RRM2: variants seen among roughly 807,000 people sequenced by gnomAD.
The protein encoded by RRM2 is ribonucleoside-diphosphate reductase subunit M2.
RRM2 carries 6 observed loss-of-function variants against 45.9 expected under a neutral mutation model. The ratio of observed to expected loss-of-function variants is 0.13; its 90% CI spans 0.07 to 0.26. The LOEUF (loss-of-function observed/expected upper bound fraction) is 0.26. Among genes scored for constraint, RRM2 ranks in the 10% least tolerant of loss-of-function variants. The pLI, the probability that RRM2 is intolerant of heterozygous loss-of-function variation, is 1.00. For synonymous variants in RRM2, 177 were observed against 173.0 expected (o/e 1.02, Z -0.18); for missense variants, 343 against 489.5 (o/e 0.70, Z 2.82).
chr2:10,188,159 G>A (rs547570763), intron 3 of RRM2, among the ~76,000 whole-genome samples: 6 of 152,232 alleles, frequency 3.9e-5, no homozygotes, highest in Non-Finnish European at 8.8e-5. Flanking sequence ...CACTTTGGGT[G>A]AGTATGAGCA....
At position 10,185,284 on chromosome 2, in the gene RRM2, A is replaced by G. The variant is rs944338033; in HGVS notation, n.483-25027A>G. On this transcript the variant is annotated intron_variant and non_coding_transcript_variant, in intron 3 of 3. Transcript: ENST00000381786. The surrounding 1 kb of genome is among the most constrained non-coding windows in gnomAD (Gnocchi z 4.3). ...GCGAGACAGAGCGTGAGAGTGAGAG[A>G]GAGAGAGAGAGGCAGGAGAGGCTGA... is the stretch of plus-strand genomic sequence containing the variant. Among the ~76,000 whole-genome samples, 5 of 152,142 alleles carry G rather than the reference A, an allele frequency of 3.3e-5. No individual in the cohort carries two copies. Among genetic ancestry groups the G allele is most frequent in the African/African-American group, 1.2e-4 (5 of 41,440 alleles).
chr2:10,142,507 AG>A lies in RRM2; in HGVS notation n.482+134del, dbSNP rs752768125. 1.0e-3 allele frequency: 904 copies of A among 905,272 alleles called. 1 individual carries two copies. The highest frequency in any genetic ancestry group is 1.3e-3 in the Non-Finnish European group (807 of 634,322). The allele number at this position is 905,272 out of a possible 1,614,324, so 56.1% of individuals were successfully genotyped here. A position where few individuals can be genotyped will look rare whatever the true frequency, so the allele number is the denominator to read the frequency against. The stretch of plus-strand genomic sequence containing the variant: ...CGCACCCCTGCCAGGTCGGAAATCC[AG>A]GTACTGCCAGCCTCTGCCGTTCTAC... On this transcript the variant is annotated intron_variant and non_coding_transcript_variant, in intron 3 of 3. Coordinates refer to the RRM2 transcript ENST00000381786.
At chr2:10,144,919 G>T (rs1042286813) in intron 3 of RRM2, among the ~76,000 whole-genome samples, 1 of 152,190 alleles carries the variant, frequency 6.6e-6, no homozygotes, top group Non-Finnish European at 1.5e-5. Context: ...TGGTGGGGGT[G>T]ACCGTGTTAT....
At chr2:10,151,303 T>C in intron 3 of RRM2, among the ~76,000 whole-genome samples, 2 of 82,990 alleles carry the variant, frequency 2.4e-5, no homozygotes, top group African/African-American at 1.1e-4. Context: ...AGATTTTTTT[T>C]TTTTTTTTTT....
chr2:10,150,551 A>G (rs1663287382), intron 3 of RRM2, among the ~76,000 whole-genome samples: 1 of 151,654 alleles, frequency 6.6e-6, no homozygotes, highest in African/African-American at 2.4e-5. Flanking sequence ...TTGACATACA[A>G]TAAACTGCGC....
upstream of RRM2, among the ~76,000 whole-genome samples, chr2:10,140,999 C>T (rs777445999): frequency 7.0e-4 from 106 of 152,246 alleles, no homozygotes; most frequent in South Asian, 4.6e-3. Flanking sequence ...TGGCAGCCCT[C>T]GCTCCTGTGA....
intron 5 of RRM2, among the ~76,000 whole-genome samples, chr2:10,125,794 A>G (rs1013835382): frequency 6.6e-6 from 1 of 152,232 alleles, no homozygotes; most frequent in African/African-American, 2.4e-5. Flanking sequence ...TGAAGAGGAA[A>G]AGTGGTAACT....
At chr2:10,182,814 C>A (rs900518860) in intron 3 of RRM2, among the ~76,000 whole-genome samples, 8 of 152,126 alleles carry the variant, frequency 5.3e-5, no homozygotes, top group African/African-American at 1.9e-4. Flanking sequence ...CAGGGTAGCT[C>A]AGGTTAGGGG....
chr2:10,163,755 T>G (rs991772122), intron 3 of RRM2, among the ~76,000 whole-genome samples: 2 of 152,228 alleles, frequency 1.3e-5, no homozygotes, highest in Non-Finnish European at 2.9e-5. Flanking sequence ...TCTCCTGGTT[T>G]TCTGCCTGGA....
Position 10,130,009 on chromosome 2 carries a change from G to A in RRM2, c.*623G>A, listed in dbSNP as rs1490823017. ...GTGTATACCTAGATATTAGTCAGTT[G>A]GTGCCAGATAGAAGACAGGTTGTGT... On this transcript the variant is annotated 3_prime_UTR_variant, in exon 10 of 10. Transcript: ENST00000304567. The A allele has an allele frequency of 6.6e-6, 1 of 152,248 alleles. No homozygotes were observed. Among genetic ancestry groups the A allele is most frequent in the African/African-American group, 2.4e-5 (1 of 41,442 alleles). The allele number at this position is 152,248 out of a possible 1,614,324, so 9.4% of individuals were successfully genotyped here. A position where few individuals can be genotyped will look rare whatever the true frequency, so the allele number is the denominator to read the frequency against.
intron 3 of RRM2, among the ~76,000 whole-genome samples, chr2:10,155,404 A>G (rs774858951): frequency 2.0e-5 from 3 of 152,116 alleles, no homozygotes; most frequent in Non-Finnish European, 4.4e-5. Flanking sequence ...TCATTCATCC[A>G]TCCAGCCGGT....
At chr2:10,163,019 G>A (rs1004215449) in intron 3 of RRM2, among the ~76,000 whole-genome samples, 3 of 152,182 alleles carry the variant, frequency 2.0e-5, no homozygotes, top group Non-Finnish European at 2.9e-5. Flanking sequence ...GCAGGGCCCC[G>A]GGCCCTGAGC....
At position 10,122,775 on chromosome 2, in the gene RRM2, G is replaced by T. The variant is rs368001878; in HGVS notation, c.-24G>T. 6.3e-5 allele frequency: 99 copies of T among 1,568,404 alleles called. No homozygotes were observed. In the East Asian group the frequency reaches 8.2e-4, roughly 13 times the overall value. On this transcript the variant is annotated 5_prime_UTR_variant, in exon 1 of 10. Coordinates refer to ENST00000304567, the MANE Select transcript of RRM2 (RefSeq NM_001034.4). The stretch of plus-strand genomic sequence containing the variant: ...CCCAGCCGTCCTGTCCTGGCTGCTC[G>T]CTCTGCTTCGCTGCGCCTCCACTAT...
chr2:10,203,273 TG>T lies in RRM2; in HGVS notation n.483-7037del, dbSNP rs1363712994. On this transcript the variant is annotated intron_variant and non_coding_transcript_variant, in intron 3 of 3. Coordinates refer to the RRM2 transcript ENST00000381786. Reference sequence around the variant, plus strand: ...GTTTATCATACCATCCCAGGGGTGGTGTGGCTTAAGGATGGGTCTCGGGCTG... The same window carrying T: ...GTTTATCATACCATCCCAGGGGTGGTTGGCTTAAGGATGGGTCTCGGGCTG... Among the ~76,000 whole-genome samples the T allele has an allele frequency of 2.0e-5, 3 of 152,296 alleles. No individual in the cohort carries two copies. The East Asian group carries it at 5.8e-4, about 29-fold the overall frequency.
rs1236887862 is a variant in RRM2, at chr2:10,172,162, A to G, written n.482+29787A>G. Among the ~76,000 whole-genome samples the G allele has an allele frequency of 1.3e-5, 2 of 152,178 alleles. No homozygotes were observed. The highest frequency in any genetic ancestry group is 3.8e-4 in the East Asian group (2 of 5,198). On this transcript the variant is annotated intron_variant and non_coding_transcript_variant, in intron 3 of 3. Coordinates refer to the RRM2 transcript ENST00000381786. This position sits in a 1 kb window ranked among gnomAD's most constrained non-coding sequence, Gnocchi z 4.9. ...AGACCTGGGCTGAGTCCTGCCCTAC[A>G]TACTAACTAGCCTGCTGTGTCGCCT...
At chr2:10,137,842 G>A (rs961040994), upstream of RRM2, among the ~76,000 whole-genome samples, 54 of 152,174 alleles carry the variant, frequency 3.5e-4, 1 homozygote, top group African/African-American at 1.2e-3. Context: ...GTGCCAGGAC[G>A]AGATGGGAAG....
intron 3 of RRM2, among the ~76,000 whole-genome samples, chr2:10,163,369 G>A (rs184002981): frequency 8.6e-5 from 13 of 152,036 alleles, no homozygotes; most frequent in Admixed American, 7.2e-4. Flanking sequence ...CTCTGGGGCT[G>A]GGGCCAAGCC....
Position 10,123,006 on chromosome 2 carries a change from C to A in RRM2, c.123C>A (p.Arg41=). 1 of 1,563,060 alleles carries A rather than the reference C, an allele frequency of 6.4e-7. No homozygotes were observed. Among genetic ancestry groups the A allele is most frequent in the Non-Finnish European group, 8.6e-7 (1 of 1,161,008 alleles). ...ENTPPALSGT[R]VLASKTARRI... ...AGCCGCCGGCCCTGAGCGGGACCCG[C>A]GTCCTGGCCAGCAAGACCGCGAGGA... Residue 41 remains arginine, a synonymous_variant, in exon 2 of 10, where the codon CGC becomes CGA. Coordinates refer to ENST00000304567, the MANE Select transcript of RRM2 (RefSeq NM_001034.4).
intron 3 of RRM2, 30 bp downstream of exon 3, chr2:10,123,560 AG>A: frequency 2.5e-6 from 4 of 1,589,006 alleles, no homozygotes; most frequent in Non-Finnish European, 3.4e-6. Context: ...AGACCCCTGC[AG>A]GGGTGACCGT....
Sources: allele counts gnomAD v4.1 joint callset (sites outside exome capture counted in the v4.1 genomes callset), GRCh38; gene constraint gnomAD v4.1.1; non-coding constraint Gnocchi (gnomAD v3.1); transcripts MANE v1.5; gene names NCBI Gene and HGNC (gene_info 2026-07-23, HGNC 2026-07-21).